EPG5: variants seen among roughly 807,000 people sequenced by gnomAD.
EPG5 encodes ectopic P-granules 5 autophagy tethering factor.
In EPG5, 159 loss-of-function variants were observed where a neutral mutation model predicts 302.7. That is an observed-to-expected ratio of 0.53 (90% CI 0.46 to 0.60). EPG5 has a LOEUF of 0.60. Ranked by LOEUF, EPG5 falls within the 20% of genes least tolerant of loss-of-function variation. EPG5 has a pLI of 0.00. For missense variants in EPG5, 2,896 were observed against 3,092.4 expected, an observed-to-expected ratio of 0.94 and a Z score of 1.51; for synonymous variants, 1,158 against 1,136.8, an observed-to-expected ratio of 1.02 and a Z score of -0.37.
Position 45,946,918 on chromosome 18 carries a change from C to T in EPG5, c.1572-150G>A. ...AATAAGAACTGGCCAAAAACCAAGG[C>T]TAATAAAACTGCACTAATTTTGGTG... is the stretch of plus-strand genomic sequence containing the variant. On this transcript the variant is annotated intron_variant, in intron 6 of 43. Transcript: ENST00000282041. 3 of 629,778 alleles carry T rather than the reference C, an allele frequency of 4.8e-6. No homozygotes were observed. The South Asian group carries it at 5.8e-5, about 12-fold the overall frequency. The allele number at this position is 629,778 out of a possible 1,614,324, so 39.0% of individuals were successfully genotyped here. A position where few individuals can be genotyped will look rare whatever the true frequency, so the allele number is the denominator to read the frequency against.
chr18:45,933,787 G>A (rs1055600397), intron 11 of EPG5, among the ~76,000 whole-genome samples: 1 of 151,842 alleles, frequency 6.6e-6, no homozygotes, highest in Admixed American at 6.6e-5. Flanking sequence ...AAGTGATACA[G>A]ACATTTAAAA....
At position 45,868,699 on chromosome 18, in the gene EPG5, A is replaced by T. The variant is rs559688351; in HGVS notation, c.6226-951T>A. ...TCCCTTTTTAATGTAATGCTGTATTATAACAATGTCTCCGTATTATTAGTC... is the reference window on the plus strand; with the variant it reads ...TCCCTTTTTAATGTAATGCTGTATTTTAACAATGTCTCCGTATTATTAGTC... On this transcript the variant is annotated intron_variant, in intron 36 of 43. Coordinates refer to ENST00000282041, the MANE Select transcript of EPG5 (RefSeq NM_020964.3). Among the ~76,000 whole-genome samples the T allele has an allele frequency of 2.0e-5, 3 of 151,292 alleles. No individual in the cohort carries two copies. The East Asian group carries it at 5.9e-4, about 30-fold the overall frequency.
intron 43 of EPG5, among the ~76,000 whole-genome samples, chr18:45,854,830 C>T (rs1381262875): frequency 6.6e-6 from 1 of 152,210 alleles, no homozygotes; most frequent in African/African-American, 2.4e-5. Flanking sequence ...CATTGCACTC[C>T]TGCCTGGGCA....
At chr18:45,837,235 G>T in the EPG5 span, 2 of 1,376,952 alleles carry the variant, frequency 1.5e-6, no homozygotes, top group Non-Finnish European at 1.9e-6. Flanking sequence ...GGTGAATTAG[G>T]AAACGAAGAG....
At chr18:45,878,324 A>G in intron 34 of EPG5, 52 bp downstream of exon 34, 2 of 1,231,778 alleles carry the variant, frequency 1.6e-6, no homozygotes, top group South Asian at 1.2e-5. Context: ...ACCATTTAGA[A>G]TTTTAAGTCT....
chr18:45,819,325 A>C, the EPG5 span, among the ~76,000 whole-genome samples: 1 of 152,196 alleles, frequency 6.6e-6, no homozygotes, highest in Non-Finnish European at 1.5e-5. Context: ...CAATAATTTG[A>C]AATATCTTAT....
At chr18:45,839,262 G>A in the EPG5 span, among the ~76,000 whole-genome samples, 1 of 152,196 alleles carries the variant, frequency 6.6e-6, no homozygotes, top group African/African-American at 2.4e-5. Context: ...GGTGTAACCA[G>A]CACGAAAAAA....
At chr18:45,905,150 T>C (rs1445983598) in intron 24 of EPG5, among the ~76,000 whole-genome samples, 1 of 152,238 alleles carries the variant, frequency 6.6e-6, no homozygotes, top group Non-Finnish European at 1.5e-5. Context: ...CTGAATTATA[T>C]ATATTTCACT....
In EPG5 at chr18:45,850,384, CCATGTCTGAA is replaced by C. The variant is rs1399102379; in HGVS notation, c.*2073_*2082del. 6.6e-6 allele frequency: 1 copy of C among 152,246 alleles called. No homozygotes were observed. Among genetic ancestry groups the C allele is most frequent in the African/African-American group, 2.4e-5 (1 of 41,446 alleles). 9.4% of individuals were successfully genotyped at this position (152,246 alleles called of 1,614,324 possible). A position where few individuals can be genotyped will look rare whatever the true frequency, so the allele number is the denominator to read the frequency against. On this transcript the variant is annotated 3_prime_UTR_variant, in exon 44 of 44. Coordinates refer to ENST00000282041, the MANE Select transcript of EPG5 (RefSeq NM_020964.3). ...TTCCCAGGAGGCTACAGCAGCATGG[CCATGTCTGAA>C]CTAGCTCAGTGTCTTTATAGCACGT...
chr18:45,937,235 TACACACACACACACACACACAC>T (rs57593059), intron 10 of EPG5, among the ~76,000 whole-genome samples: 2,336 of 136,848 alleles, frequency 0.017, 60 homozygotes, highest in African/African-American at 0.061. Flanking sequence ...TACATATATA[TACACACACACACACACACACAC>T]ACACACACAC....
chr18:45,908,106 C>T (rs369738947), intron 23 of EPG5, 25 bp from the exon 24 acceptor site: 37 of 1,466,452 alleles, frequency 2.5e-5, no homozygotes, highest in African/African-American at 5.8e-5. Flanking sequence ...CATAATTATA[C>T]GAAACATAAA....
chr18:45,837,792 G>A, the EPG5 span: 1 of 1,523,734 alleles, frequency 6.6e-7, no homozygotes, highest in Non-Finnish European at 8.7e-7. Flanking sequence ...CGCGTCGAGC[G>A]CCTCGCCCTG....
rs748633979 is a variant in EPG5, at chr18:45,946,768, T to C, written c.1572A>G (p.Lys524=). 2.4e-5 allele frequency: 39 copies of C among 1,613,754 alleles called. No homozygotes were observed. The highest frequency in any genetic ancestry group is 7.6e-6 in the Non-Finnish European group (9 of 1,179,736). The change falls in exon 7 of 44, where the codon AAA becomes AAG. Residue 524 remains lysine (K), a splice_region_variant and synonymous_variant. Coordinates refer to ENST00000282041, the MANE Select transcript of EPG5 (RefSeq NM_020964.3). ...TGTGGCACATAAACTCAGCTCGATT[T>C]CTAAAGGACAAGAATAATCACTCCC... ...QSLALLMSPV[K]NRAEFMCHMK... is the part of the protein sequence containing the mutation.
At chr18:45,950,302 T>C (rs1014040057) in intron 4 of EPG5, among the ~76,000 whole-genome samples, 1 of 152,226 alleles carries the variant, frequency 6.6e-6, no homozygotes, top group African/African-American at 2.4e-5. Context: ...TTGAATTCTA[T>C]CATCCAGAAT....
chr18:45,879,208 C>G lies in EPG5; in HGVS notation c.5674G>C (p.Glu1892Gln), dbSNP rs773270236. 4 of 1,605,308 alleles carry G rather than the reference C, an allele frequency of 2.5e-6. No individual in the cohort carries two copies. In the Admixed American group the frequency reaches 6.9e-5, roughly 28 times the overall value. ...AAGTCTGAAAGCCACTGTATAGTCT[C>G]CATTACCTGGAAGAGACAACTAGTC... ...DALLSDKQVM[E>Q]TIQWLSDFFY... The change falls in exon 33 of 44, where the codon GAG becomes CAG. Residue 1892 changes from glutamate to glutamine, a missense_variant. Physicochemically the swap from Glu to Gln is conservative, Grantham distance 29. Coordinates refer to ENST00000282041, the MANE Select transcript of EPG5 (RefSeq NM_020964.3).
intron 35 of EPG5, among the ~76,000 whole-genome samples, chr18:45,872,176 T>C (rs970814472): frequency 6.6e-6 from 1 of 152,236 alleles, no homozygotes; most frequent in African/African-American, 2.4e-5. Context: ...ATGTAAGTCA[T>C]TCTAAAATAA....
intron 30 of EPG5, among the ~76,000 whole-genome samples, chr18:45,883,002 C>T (rs922806754): frequency 7.3e-6 from 1 of 136,214 alleles, no homozygotes; most frequent in Admixed American, 7.8e-5. Flanking sequence ...AGCGAAACTG[C>T]GTCTCACAAC....
chr18:45,917,905 C>T lies in EPG5; in HGVS notation c.3099-86G>A, dbSNP rs1341063588. 5.9e-5 allele frequency: 85 copies of T among 1,450,250 alleles called. 1 individual carries two copies. The South Asian group carries it at 1.0e-3, about 18-fold the overall frequency. 89.8% of individuals were successfully genotyped at this position (1,450,250 alleles called of 1,614,324 possible). On this transcript the variant is annotated intron_variant, in intron 16 of 43. Transcript: ENST00000282041. Reference sequence around the variant, plus strand: ...TCCAATGAGTTATGAGCCTTCAATACCTTGGGTTATCTCAGGTCTCCAACA... The same window carrying T: ...TCCAATGAGTTATGAGCCTTCAATATCTTGGGTTATCTCAGGTCTCCAACA...
intron 29 of EPG5, among the ~76,000 whole-genome samples, 153 bp downstream of exon 29, chr18:45,887,598 T>C (rs1412915810): frequency 1.3e-5 from 2 of 152,190 alleles, no homozygotes; most frequent in Non-Finnish European, 2.9e-5. Context: ...TCTAATCATA[T>C]TTTGAGAAGC....
Sources: gnomAD v4.1 joint callset for allele counts (sites outside exome capture counted in the v4.1 genomes callset) on GRCh38, gnomAD v4.1.1 for gene constraint, MANE v1.5 for transcripts, NCBI Gene and HGNC (gene_info 2026-07-23, HGNC 2026-07-21) for gene names.